Variants in CASZ1 observed in about 807,000 individuals in gnomAD.
The protein encoded by CASZ1 is castor zinc finger 1.
Under a neutral mutation model 135.2 loss-of-function variants are expected in CASZ1, and 28 were observed. That is an observed-to-expected ratio of 0.21 (90% CI 0.15 to 0.28). CASZ1 has a LOEUF of 0.28. CASZ1 is among the 10% of genes least tolerant of loss of function. The pLI is 1.00. For missense variants in CASZ1, 2,161 were observed against 2,453.3 expected (o/e 0.88, Z 2.52); for synonymous variants, 1,068 against 1,073.4 (o/e 0.99, Z 0.10).
At position 10,679,414 on chromosome 1, in the gene CASZ1, G is replaced by A. The variant is rs1638341544; in HGVS notation, c.17-13843C>T. 6.6e-6 allele frequency among the ~76,000 whole-genome samples: 1 copy of A among 152,120 alleles called. No homozygotes were observed. On this transcript the variant is annotated intron_variant, in intron 4 of 20. Transcript: ENST00000377022. This position sits in a 1 kb window ranked among gnomAD's most constrained non-coding sequence, Gnocchi z 4.7. ...GACCCCTGGAGCCAACGCCACCCAG[G>A]GCTCCCTCTGCCGATTCCAGGCTGG...
Position 10,645,103 on chromosome 1 carries a change from G to A in CASZ1, c.3697-15C>T, listed in dbSNP as rs368600949. On this transcript the variant is annotated splice_polypyrimidine_tract_variant and intron_variant, in intron 17 of 20. Transcript: ENST00000377022. ...AACTCGCAGTGCTGCAGGGAGACACGGGAGGGTCAGGACAGGCGGGTGACT... is the reference window on the plus strand; with the variant it reads ...AACTCGCAGTGCTGCAGGGAGACACAGGAGGGTCAGGACAGGCGGGTGACT... The A allele has an allele frequency of 1.1e-5, 17 of 1,612,006 alleles. No homozygotes were observed. The highest frequency in any genetic ancestry group is 1.0e-4 in the Admixed American group (6 of 59,974).
In CASZ1 at chr1:10,717,025, G is replaced by C. The variant is rs1318649318; in HGVS notation, c.-76-11481C>G. ...CAGGCGGGGCACAGACCTAGCAGAG[G>C]GCTGGGCCTCAGGGCTCCCCTAGAG... On this transcript the variant is annotated intron_variant, in intron 2 of 20. Coordinates refer to ENST00000377022, the MANE Select transcript of CASZ1 (RefSeq NM_001079843.3). This position sits in a 1 kb window ranked among gnomAD's most constrained non-coding sequence, Gnocchi z 4.6. Among the ~76,000 whole-genome samples, 1 of 152,200 alleles carries C rather than the reference G, an allele frequency of 6.6e-6. No individual in the cohort carries two copies. The highest frequency in any genetic ancestry group is 2.4e-5 in the African/African-American group (1 of 41,450).
chr1:10,744,237 G>A (rs865943735), intron 2 of CASZ1, among the ~76,000 whole-genome samples: 29 of 149,074 alleles, frequency 1.9e-4, no homozygotes, highest in African/African-American at 6.8e-4. Flanking sequence ...CAGTTTCTAG[G>A]AAGCAGGTGG....
intron 1 of CASZ1, among the ~76,000 whole-genome samples, chr1:10,778,816 C>T (rs985243771): frequency 1.1e-4 from 17 of 152,228 alleles, no homozygotes; most frequent in African/African-American, 3.9e-4. Context: ...CAAGCAAAGG[C>T]GGTTGGCAGT....
At position 10,664,982 on chromosome 1, in the gene CASZ1, G is replaced by A. The variant is rs1456939864; in HGVS notation, c.505+101C>T. ...GTGGGATGAGGGGCCGGTATTTAGA[G>A]CAGGAGTGAGGAGTCGGGTGTGCTT... On this transcript the variant is annotated intron_variant, in intron 5 of 20. Transcript: ENST00000377022. The A allele has an allele frequency of 5.0e-5, 65 of 1,304,646 alleles. No individual in the cohort carries two copies. The East Asian group carries it at 1.8e-3, about 36-fold the overall frequency. The allele number at this position is 1,304,646 out of a possible 1,614,324, so 80.8% of individuals were successfully genotyped here.
At chr1:10,663,452 C>T (rs996043789) in intron 5 of CASZ1, among the ~76,000 whole-genome samples, 3 of 152,206 alleles carry the variant, frequency 2.0e-5, no homozygotes, top group Non-Finnish European at 4.4e-5. Context: ...AGCCGCTGTC[C>T]TGACCTCAAG....
chr1:10,648,897 G>C (rs531948245), intron 15 of CASZ1, 173 bp downstream of exon 15: 3 of 846,382 alleles, frequency 3.5e-6, no homozygotes, highest in Non-Finnish European at 3.6e-6. Flanking sequence ...GCTGAGGGCT[G>C]CATGTGTGAA....
intron 2 of CASZ1, among the ~76,000 whole-genome samples, chr1:10,737,550 C>A (rs1014790331): frequency 2.0e-5 from 3 of 152,254 alleles, no homozygotes. Flanking sequence ...GAAAGCTGGG[C>A]TGTTGTTTGC....
chr1:10,691,848 A>G (rs1638780182), intron 4 of CASZ1, among the ~76,000 whole-genome samples: 1 of 152,196 alleles, frequency 6.6e-6, no homozygotes, highest in Admixed American at 6.5e-5. Context: ...TTCAAAGAAG[A>G]GACTGAGATG....
At position 10,647,466 on chromosome 1, in the gene CASZ1, C is replaced by A. The variant is rs946579497; in HGVS notation, c.3497+335G>T. On this transcript the variant is annotated intron_variant, in intron 16 of 20. Coordinates refer to ENST00000377022, the MANE Select transcript of CASZ1 (RefSeq NM_001079843.3). The surrounding 1 kb of genome is among the most constrained non-coding windows in gnomAD (Gnocchi z 4.9). ...GCCAATACGGAGGCTCGGAGGGAGACGCAGCCCTCCTTGTCAGGCTGGGAG... is the reference window on the plus strand; with the variant it reads ...GCCAATACGGAGGCTCGGAGGGAGAAGCAGCCCTCCTTGTCAGGCTGGGAG... The A allele has an allele frequency of 2.5e-6, 3 of 1,221,396 alleles. No individual in the cohort carries two copies. The highest frequency in any genetic ancestry group is 3.1e-6 in the Non-Finnish European group (3 of 969,270). The allele number at this position is 1,221,396 out of a possible 1,614,324, so 75.7% of individuals were successfully genotyped here. A position where few individuals can be genotyped will look rare whatever the true frequency, so the allele number is the denominator to read the frequency against.
chr1:10,643,763 G>T (rs1458392966), intron 18 of CASZ1, among the ~76,000 whole-genome samples: 1 of 152,184 alleles, frequency 6.6e-6, no homozygotes, highest in African/African-American at 2.4e-5. Flanking sequence ...GAGCAGGCGG[G>T]ACTGAAACAG....
chr1:10,741,969 C>T lies in CASZ1; in HGVS notation c.-77+18732G>A, dbSNP rs966953458. ...GCCTAACCCAGCAAGCGCCGAGACA[C>T]GGACCCCTCACCGCTTCTCACGTGC... On this transcript the variant is annotated intron_variant, in intron 2 of 20. Coordinates refer to ENST00000377022, the MANE Select transcript of CASZ1 (RefSeq NM_001079843.3). The surrounding 1 kb of genome is among the most constrained non-coding windows in gnomAD (Gnocchi z 5.0). 5.3e-5 allele frequency among the ~76,000 whole-genome samples: 8 copies of T among 152,048 alleles called. No homozygotes were observed. Among genetic ancestry groups the T allele is most frequent in the African/African-American group, 9.7e-5 (4 of 41,398 alleles).
At chr1:10,674,192 T>C (rs909811658) in intron 4 of CASZ1, among the ~76,000 whole-genome samples, 2 of 152,184 alleles carry the variant, frequency 1.3e-5, no homozygotes, top group African/African-American at 4.8e-5. Context: ...AGTCAGGGCA[T>C]TGGCCACCAT....
In CASZ1 at chr1:10,659,909, A is replaced by C; in HGVS notation, c.1133T>G (p.Val378Gly). ...GKVGRPSKYD[V>G]RGIQKPGPAK... ...GGGGCCTGGCTTCTGGATGCCCCGG[A>C]CGTCGTACTTGGAAGGGCGCCCCAC... is the stretch of plus-strand genomic sequence containing the variant. Residue 378 changes from valine to glycine, a missense_variant, in exon 6 of 21, where the codon GTC becomes GGC. Val to Gly is a moderately radical substitution (Grantham distance 109). Transcript: ENST00000377022. 6.2e-7 allele frequency: 1 copy of C among 1,611,802 alleles called. No individual in the cohort carries two copies.
rs1448532420 is a variant in CASZ1 at position 10,706,404 on chromosome 1, AC to A, written c.-76-861del. Among the ~76,000 whole-genome samples the A allele has an allele frequency of 2.6e-5, 4 of 151,930 alleles. No individual in the cohort carries two copies. The highest frequency in any genetic ancestry group is 6.5e-5 in the Admixed American group (1 of 15,282). ...AGGCCCTGCCCCTGCAGGCCTCAGA[AC>A]CCTATCCAGGCTTGGGGAGGGCTGT... On this transcript the variant is annotated intron_variant, in intron 2 of 20. Coordinates refer to ENST00000377022, the MANE Select transcript of CASZ1 (RefSeq NM_001079843.3). The surrounding 1 kb of genome is among the most constrained non-coding windows in gnomAD (Gnocchi z 4.3).
chr1:10,768,997 C>T (rs886316512), intron 1 of CASZ1, among the ~76,000 whole-genome samples: 1 of 152,110 alleles, frequency 6.6e-6, no homozygotes, highest in Non-Finnish European at 1.5e-5. Flanking sequence ...AAAAATTAGC[C>T]GGGTGTGGTG....
chr1:10,739,552 C>G lies in CASZ1; in HGVS notation c.-77+21149G>C, dbSNP rs1639873817. ...GAGCCCTCCGCCCCCCGGGCCCACTCCCCGTTCTCCCAGCCTTGCTGGCTA... is the reference window on the plus strand; with the variant it reads ...GAGCCCTCCGCCCCCCGGGCCCACTGCCCGTTCTCCCAGCCTTGCTGGCTA... On this transcript the variant is annotated intron_variant, in intron 2 of 20. Transcript: ENST00000377022. The surrounding 1 kb of genome is among the most constrained non-coding windows in gnomAD (Gnocchi z 4.8). Among the ~76,000 whole-genome samples the G allele has an allele frequency of 6.6e-6, 1 of 152,232 alleles. No individual in the cohort carries two copies.
At chr1:10,783,246 A>AGTGTGTGTGTGT (rs70997266) in intron 1 of CASZ1, among the ~76,000 whole-genome samples, 2 of 148,044 alleles carry the variant, frequency 1.4e-5, no homozygotes, top group African/African-American at 5.0e-5. Context: ...CCAGTGGAGA[A>AGTGTGTGTGTGT]GTGTGTGTGT....
In CASZ1 at chr1:10,724,767, C is replaced by T. The variant is rs1226636541; in HGVS notation, c.-76-19223G>A. Among the ~76,000 whole-genome samples the T allele has an allele frequency of 2.0e-5, 3 of 152,038 alleles. No individual in the cohort carries two copies. The highest frequency in any genetic ancestry group is 1.3e-4 in the Admixed American group (2 of 15,266). On this transcript the variant is annotated intron_variant, in intron 2 of 20. Coordinates refer to ENST00000377022, the MANE Select transcript of CASZ1 (RefSeq NM_001079843.3). This position sits in a 1 kb window ranked among gnomAD's most constrained non-coding sequence, Gnocchi z 4.1. ...AGGGCCCTGGGAGGGAGAGGCAAGG[C>T]GGGGAAGAGGAGGCAGAGGAAGGCA... is the stretch of plus-strand genomic sequence containing the variant.
Sources: allele counts gnomAD v4.1 joint callset (sites outside exome capture counted in the v4.1 genomes callset), GRCh38; gene constraint gnomAD v4.1.1; non-coding constraint Gnocchi (gnomAD v3.1); transcripts MANE v1.5; gene names NCBI Gene and HGNC (gene_info 2026-07-23, HGNC 2026-07-21).